Variants in RAD51B observed in about 807,000 individuals in gnomAD.
RAD51B encodes the protein DNA repair protein RAD51 homolog 2.
RAD51B carries 38 observed loss-of-function variants against 42.2 expected under a neutral mutation model. The observed-to-expected ratio is 0.90, with a 90% CI of 0.70 to 1.18. RAD51B has a LOEUF of 1.18. Among genes scored for constraint, RAD51B ranks in the 50% most tolerant of loss-of-function variants. The pLI is 0.00. For synonymous variants in RAD51B, 154 were observed against 145.2 expected (o/e 1.06, Z -0.43); for missense variants, 373 against 400.7 (o/e 0.93, Z 0.59).
At chr14:67,983,733 A>G (rs965400019) in intron 7 of RAD51B, among the ~76,000 whole-genome samples, 1 of 151,878 alleles carries the variant, frequency 6.6e-6, no homozygotes, top group South Asian at 2.1e-4. Flanking sequence ...CACATTAACC[A>G]TTTGATTTTT....
intron 7 of RAD51B, among the ~76,000 whole-genome samples, chr14:68,164,047 G>A (rs1356685258): frequency 2.0e-5 from 3 of 152,100 alleles, no homozygotes; most frequent in Non-Finnish European, 4.4e-5. Context: ...GCCATCAGCA[G>A]TTTATTCCTC....
rs61987501 is a variant in RAD51B, at chr14:67,898,451, A to G, written c.756+11247A>G. Among the ~76,000 whole-genome samples the G allele has an allele frequency of 4.9e-3, 745 of 152,096 alleles. 8 individuals are homozygous for G. Among genetic ancestry groups the G allele is most frequent in the Middle Eastern group, 0.02 (6 of 294 alleles). ...TGAGAGGAGGAGGAAACAGGGAGGT[A>G]TTGGTGAAAGGGTAAAAGTTTTAGT... On this transcript the variant is annotated intron_variant, in intron 7 of 10. Coordinates refer to ENST00000471583, the MANE Select transcript of RAD51B (RefSeq NM_133510.4).
intron 7 of RAD51B, among the ~76,000 whole-genome samples, chr14:68,099,217 A>G (rs563778436): frequency 6.6e-6 from 1 of 152,348 alleles, no homozygotes; most frequent in Admixed American, 6.5e-5. Context: ...GGCCCCTAAC[A>G]GAATAGGATA....
chr14:68,223,158 A>G (rs1037154179), intron 7 of RAD51B, among the ~76,000 whole-genome samples: 6 of 152,170 alleles, frequency 3.9e-5, no homozygotes, highest in African/African-American at 1.4e-4. Context: ...CTAAATCACA[A>G]TTTTGAGGCG....
At chr14:68,044,112 G>A (rs1382195771) in intron 7 of RAD51B, among the ~76,000 whole-genome samples, 1 of 152,186 alleles carries the variant, frequency 6.6e-6, no homozygotes, top group African/African-American at 2.4e-5. Flanking sequence ...CCCAGGAAAA[G>A]CAGTGCCAGC....
chr14:68,056,999 G>T (rs2076486666), intron 7 of RAD51B, among the ~76,000 whole-genome samples: 2 of 151,392 alleles, frequency 1.3e-5, no homozygotes. Flanking sequence ...TGAGGCAGGA[G>T]AATTGCTTGA....
intron 5 of RAD51B, among the ~76,000 whole-genome samples, chr14:67,882,129 T>C (rs185061403): frequency 1.3e-5 from 2 of 152,162 alleles, no homozygotes; most frequent in African/African-American, 4.8e-5. Flanking sequence ...TATGCCACCA[T>C]GCCCAGCTAA....
At chr14:68,156,172 T>C (rs747800970) in intron 7 of RAD51B, among the ~76,000 whole-genome samples, 2 of 152,192 alleles carry the variant, frequency 1.3e-5, no homozygotes, top group Non-Finnish European at 2.9e-5. Flanking sequence ...TAGTTTTGTT[T>C]ATTTGTTTGT....
At chr14:68,301,974 G>T (rs1303850725) in intron 8 of RAD51B, among the ~76,000 whole-genome samples, 3 of 152,150 alleles carry the variant, frequency 2.0e-5, no homozygotes, top group Non-Finnish European at 4.4e-5. Context: ...AAAAGTGCTT[G>T]ACAATAATAG....
intron 7 of RAD51B, among the ~76,000 whole-genome samples, chr14:68,029,779 C>T (rs913559586): frequency 1.3e-5 from 2 of 152,190 alleles, no homozygotes; most frequent in East Asian, 1.9e-4. Context: ...TTGCTGTACC[C>T]AGATCCATCA....
At chr14:68,564,005 T>C (rs1889291905) in intron 10 of RAD51B, 9 of 899,910 alleles carry the variant, frequency 1.0e-5, no homozygotes, top group Non-Finnish European at 1.2e-5. Context: ...AAGATCACTT[T>C]CCCAAACCTG....
chr14:68,674,821 T>G (rs1305434734), intron 11 of RAD51B, among the ~76,000 whole-genome samples: 2 of 152,084 alleles, frequency 1.3e-5, no homozygotes, highest in Admixed American at 6.5e-5. Flanking sequence ...CTCTTTCCCT[T>G]GTAAGGCATG....
intron 10 of RAD51B, among the ~76,000 whole-genome samples, chr14:68,645,866 G>T (rs1892554373): frequency 6.6e-6 from 1 of 152,036 alleles, no homozygotes; most frequent in African/African-American, 2.4e-5. Flanking sequence ...GAGAATTTGT[G>T]CATAAATTTC....
chr14:68,348,531 T>G (rs1159004869), intron 8 of RAD51B, among the ~76,000 whole-genome samples: 1 of 152,260 alleles, frequency 6.6e-6, no homozygotes, highest in Admixed American at 6.5e-5. Flanking sequence ...GCAAAGGATA[T>G]TTAACTCACT....
chr14:68,098,076 G>T (rs183561494), intron 7 of RAD51B, among the ~76,000 whole-genome samples: 1 of 152,066 alleles, frequency 6.6e-6, no homozygotes, highest in Non-Finnish European at 1.5e-5. Context: ...GTACAGTCTC[G>T]TGACTCTTTT....
intron 9 of RAD51B, among the ~76,000 whole-genome samples, chr14:68,466,198 G>C (rs2085982544): frequency 6.6e-6 from 1 of 152,128 alleles, no homozygotes; most frequent in African/African-American, 2.4e-5. Flanking sequence ...CTTCTGGTAG[G>C]AGCCAAGTAT....
At chr14:68,078,801 G>T (rs1566627933) in intron 7 of RAD51B, among the ~76,000 whole-genome samples, 1 of 152,056 alleles carries the variant, frequency 6.6e-6, no homozygotes, top group African/African-American at 2.4e-5. Context: ...ACCAGCCTGC[G>T]CAAAAGAGGG....
intron 9 of RAD51B, among the ~76,000 whole-genome samples, chr14:68,458,587 T>C (rs920005114): frequency 6.6e-6 from 1 of 151,814 alleles, no homozygotes; most frequent in African/African-American, 2.4e-5. Context: ...TACAAGAGCA[T>C]AATGATATTC....
chr14:68,045,422 C>T (rs1237661510), intron 7 of RAD51B, among the ~76,000 whole-genome samples: 1 of 151,928 alleles, frequency 6.6e-6, no homozygotes, highest in East Asian at 1.9e-4. Flanking sequence ...AAATTGTTAC[C>T]CATTTTAGTT....
Sources: allele counts gnomAD v4.1 joint callset (sites outside exome capture counted in the v4.1 genomes callset), GRCh38; gene constraint gnomAD v4.1.1; transcripts MANE v1.5; gene names NCBI Gene and HGNC (gene_info 2026-07-23, HGNC 2026-07-21).